The following DIAPH2 variants were observed in gnomAD, a reference collection of about 807,000 sequenced individuals.
The protein encoded by DIAPH2 is protein diaphanous homolog 2.
Under a neutral mutation model 92.7 loss-of-function variants are expected in DIAPH2, and 35 were observed. That is an observed-to-expected ratio of 0.38 (90% CI 0.29 to 0.50). DIAPH2 has a LOEUF of 0.50. Among genes scored for constraint, DIAPH2 ranks in the 20% least tolerant of loss-of-function variants. The pLI is 0.94. For synonymous variants in DIAPH2, 301 were observed against 280.4 expected (o/e 1.07, Z -0.73); for missense variants, 701 against 819.5 (o/e 0.86, Z 1.77).
intron 26 of DIAPH2, among the ~76,000 whole-genome samples, chrX:97,510,067 C>A (rs1448933363): frequency 9.1e-6 from 1 of 110,374 alleles, no homozygotes; most frequent in Non-Finnish European, 1.9e-5. Flanking sequence ...AGTTCTAGAT[C>A]CCTGAGGAAT....
At chrX:96,983,651 G>A (rs1368952361) in intron 17 of DIAPH2, among the ~76,000 whole-genome samples, 1 of 110,690 alleles carries the variant, frequency 9.0e-6, no homozygotes, top group Non-Finnish European at 1.9e-5. Flanking sequence ...TATTTTTAGG[G>A]ACACAACTAA....
intron 26 of DIAPH2, among the ~76,000 whole-genome samples, chrX:97,496,703 A>AG (rs1378312815): frequency 7.2e-5 from 7 of 97,207 alleles, no homozygotes; most frequent in Non-Finnish European, 1.4e-4. Flanking sequence ...CTTGTCACCA[A>AG]GGGGGGAGTG....
chrX:96,811,657 T>A lies in DIAPH2; in HGVS notation c.447+53399T>A, dbSNP rs190254537. Among the ~76,000 whole-genome samples the A allele has an allele frequency of 2.3e-4, 26 of 111,816 alleles. No individual in the cohort carries two copies. In the East Asian group the frequency reaches 6.4e-3, roughly 28 times the overall value. On this transcript the variant is annotated intron_variant, in intron 4 of 26. Coordinates refer to ENST00000324765, the MANE Select transcript of DIAPH2 (RefSeq NM_006729.5). ...ATTCAGTATGATATTGGCTGTGGGT[T>A]TCTCATAAATAGCTCTTATGATTTT...
intron 26 of DIAPH2, among the ~76,000 whole-genome samples, chrX:97,512,294 C>A (rs754820302): frequency 1.8e-5 from 2 of 113,319 alleles, no homozygotes; most frequent in Non-Finnish European, 3.7e-5. Flanking sequence ...AGTTTATTTG[C>A]GTAGAGGTGT....
chrX:97,074,267 G>A (rs188470697), intron 18 of DIAPH2, among the ~76,000 whole-genome samples: 7 of 111,157 alleles, frequency 6.3e-5, no homozygotes, highest in African/African-American at 2.3e-4. Context: ...TTAGCCGGGC[G>A]TGATGGCTCA....
At chrX:96,825,712 C>T (rs1027744605) in intron 4 of DIAPH2, among the ~76,000 whole-genome samples, 2 of 111,453 alleles carry the variant, frequency 1.8e-5, no homozygotes, top group Admixed American at 1.9e-4. Context: ...CTACTCTAGT[C>T]ACTCCTCATC....
intron 22 of DIAPH2, among the ~76,000 whole-genome samples, chrX:97,167,873 A>G (rs904526098): frequency 9.0e-6 from 1 of 111,041 alleles, no homozygotes; most frequent in African/African-American, 3.3e-5. Flanking sequence ...ATTGGCCATT[A>G]AAAAGACTGT....
intron 23 of DIAPH2, among the ~76,000 whole-genome samples, chrX:97,269,191 G>A (rs2068364892): frequency 9.0e-6 from 1 of 111,618 alleles, no homozygotes; most frequent in African/African-American, 3.3e-5. Context: ...ATGGAGATGT[G>A]ACAAGAGAGA....
chrX:96,756,576 T>C (rs1032941197), intron 3 of DIAPH2, among the ~76,000 whole-genome samples: 3 of 111,909 alleles, frequency 2.7e-5, no homozygotes, highest in Non-Finnish European at 3.8e-5. Context: ...TTATCAATAA[T>C]GCTGCTATGA....
chrX:96,940,074 C>A (rs1015640637), intron 12 of DIAPH2, among the ~76,000 whole-genome samples: 10 of 110,536 alleles, frequency 9.0e-5, no homozygotes, highest in African/African-American at 3.0e-4. Context: ...ATGAACCCAA[C>A]AGATTGCACT....
At chrX:97,069,377 A>G (rs1267497745) in intron 17 of DIAPH2, among the ~76,000 whole-genome samples, 1 of 111,652 alleles carries the variant, frequency 9.0e-6, no homozygotes, top group African/African-American at 3.3e-5. Flanking sequence ...TGCTTGCACT[A>G]AGAAAATGAG....
intron 26 of DIAPH2, among the ~76,000 whole-genome samples, chrX:97,540,873 A>G (rs1036172931): frequency 8.9e-6 from 1 of 111,973 alleles, no homozygotes; most frequent in African/African-American, 3.2e-5. Context: ...TTTGTTAATC[A>G]TCAGTTATAG....
At chrX:97,363,993 T>A (rs2069354347) in intron 24 of DIAPH2, among the ~76,000 whole-genome samples, 1 of 112,191 alleles carries the variant, frequency 8.9e-6, no homozygotes. Flanking sequence ...TACTAATGTG[T>A]CACTCATTCT....
chrX:97,088,911 G>T (rs1285240703), intron 19 of DIAPH2, among the ~76,000 whole-genome samples: 1 of 110,922 alleles, frequency 9.0e-6, no homozygotes, highest in Non-Finnish European at 1.9e-5. Context: ...TGCCTATTTT[G>T]GGGGCTTTGG....
chrX:97,516,995 T>G (rs1181602912), intron 26 of DIAPH2, among the ~76,000 whole-genome samples: 2 of 112,645 alleles, frequency 1.8e-5, no homozygotes, highest in Non-Finnish European at 3.7e-5. Context: ...ATATTCAAGG[T>G]GTACAGCATG....
At chrX:97,017,095 T>A (rs2066265937) in intron 17 of DIAPH2, among the ~76,000 whole-genome samples, 1 of 111,802 alleles carries the variant, frequency 8.9e-6, no homozygotes. Flanking sequence ...CAGGAATTTT[T>A]TAGGCACATC....
rs1283778768 is a variant in DIAPH2 at position 97,603,896 on chromosome X, A to G, written c.*4579A>G. On this transcript the variant is annotated 3_prime_UTR_variant, in exon 27 of 27. Transcript: ENST00000324765. ...AAAATTCTTCTAGTCTCTACCCATT[A>G]TCCAATTCCAAAGCCTTTTTCACAT... 1 of 111,979 alleles carries G rather than the reference A, an allele frequency of 8.9e-6. No individual in the cohort carries two copies. Among genetic ancestry groups the G allele is most frequent in the Non-Finnish European group, 1.9e-5 (1 of 53,233 alleles). The allele number at this position is 111,979 out of a possible 1,213,427, so 9.2% of individuals were successfully genotyped here.
chrX:97,102,659 G>A (rs1019465599), intron 20 of DIAPH2, among the ~76,000 whole-genome samples: 1 of 112,128 alleles, frequency 8.9e-6, no homozygotes, highest in African/African-American at 3.2e-5. Flanking sequence ...GGATGAGGAT[G>A]CCGGGCGCGT....
At chrX:96,813,093 A>G (rs1376585903) in intron 4 of DIAPH2, among the ~76,000 whole-genome samples, 5 of 111,341 alleles carry the variant, frequency 4.5e-5, no homozygotes, top group South Asian at 3.8e-4. Flanking sequence ...CTGCTGTCTC[A>G]TTGATCTGTC....
Sources: allele counts gnomAD v4.1 joint callset (sites outside exome capture counted in the v4.1 genomes callset), GRCh38; gene constraint gnomAD v4.1.1; transcripts MANE v1.5; gene names NCBI Gene and HGNC (gene_info 2026-07-23, HGNC 2026-07-21).